Variants in ERG observed in about 807,000 individuals in gnomAD.
ERG encodes the protein transcriptional regulator ERG.
A neutral mutation model predicts 55.3 loss-of-function variants in ERG; 9 were observed. The ratio of observed to expected loss-of-function variants is 0.16; its 90% CI spans 0.10 to 0.28. ERG has a LOEUF of 0.28. Ranked by LOEUF, ERG falls within the 10% of genes least tolerant of loss-of-function variation. ERG has a pLI of 1.00. For synonymous variants in ERG, 223 were observed against 237.3 expected (o/e 0.94, Z 0.55); for missense variants, 434 against 631.6 (o/e 0.69, Z 3.35).
At chr21:38,380,032 T>C, downstream of ERG, 1 of 1,012,338 alleles carries the variant, frequency 9.9e-7, no homozygotes, top group Non-Finnish European at 1.2e-6. Flanking sequence ...CAGAATTTGG[T>C]GTATTTTTGA....
At chr21:38,654,887 C>T (rs909321932) in intron 1 of ERG, among the ~76,000 whole-genome samples, 1 of 152,142 alleles carries the variant, frequency 6.6e-6, no homozygotes, top group Non-Finnish European at 1.5e-5. Context: ...CTCACATCAG[C>T]TTTGTGAGGT....
chr21:38,408,904 C>T (rs1328680476), intron 3 of ERG, among the ~76,000 whole-genome samples: 8 of 152,176 alleles, frequency 5.3e-5, no homozygotes, highest in Non-Finnish European at 1.2e-4. Context: ...GGTAGGAACA[C>T]CTCTTGTCTC....
chr21:38,407,656 TTA>T (rs1988836624), intron 3 of ERG, among the ~76,000 whole-genome samples: 1 of 123,596 alleles, frequency 8.1e-6, no homozygotes, highest in South Asian at 2.3e-4. Flanking sequence ...TTAATGTATA[TTA>T]TATGTATACT....
At chr21:38,518,422 G>A (rs1325026026) in intron 2 of ERG, among the ~76,000 whole-genome samples, 1 of 152,038 alleles carries the variant, frequency 6.6e-6, no homozygotes, top group Non-Finnish European at 1.5e-5. Context: ...AAACAAATCA[G>A]ACAATGGAAA....
intron 2 of ERG, among the ~76,000 whole-genome samples, 156 bp from the exon 3 acceptor site, chr21:38,423,717 G>A (rs190542411): frequency 1.3e-5 from 2 of 152,320 alleles, no homozygotes; most frequent in Non-Finnish European, 2.9e-5. Context: ...GCGGGGTGCC[G>A]TGGCTCATGC....
intron 1 of ERG, among the ~76,000 whole-genome samples, chr21:38,632,755 T>C (rs2146959356): frequency 6.6e-6 from 1 of 152,358 alleles, no homozygotes; most frequent in South Asian, 2.1e-4. Flanking sequence ...GTCTTGAGTA[T>C]GTCTTTATTG....
intron 1 of ERG, among the ~76,000 whole-genome samples, chr21:38,623,743 C>G (rs1458854600): frequency 6.6e-6 from 1 of 152,144 alleles, no homozygotes; most frequent in Non-Finnish European, 1.5e-5. Context: ...CAAAGGTTGC[C>G]ACCAGCCCAG....
chr21:38,369,633 A>G, the ERG span, among the ~76,000 whole-genome samples: 3 of 152,084 alleles, frequency 2.0e-5, no homozygotes, highest in African/African-American at 7.2e-5. Context: ...ATTAGATCCT[A>G]TTTGTCAATT....
chr21:38,561,209 C>T (rs1225789721), intron 2 of ERG, among the ~76,000 whole-genome samples: 1 of 152,152 alleles, frequency 6.6e-6, no homozygotes, highest in Non-Finnish European at 1.5e-5. Context: ...GACTGAGGAA[C>T]AGGAACAGCA....
At chr21:38,567,905 G>A (rs1006572949) in intron 2 of ERG, among the ~76,000 whole-genome samples, 1 of 152,178 alleles carries the variant, frequency 6.6e-6, no homozygotes. Flanking sequence ...CGCACAGAAC[G>A]CTGCTACTTC....
chr21:38,538,796 G>A (rs2059730192), intron 2 of ERG, among the ~76,000 whole-genome samples: 2 of 151,928 alleles, frequency 1.3e-5, no homozygotes. Context: ...TCTTGTTCAA[G>A]CTCCATGGTT....
intron 1 of ERG, among the ~76,000 whole-genome samples, chr21:38,459,968 A>G (rs2059025767): frequency 6.6e-6 from 1 of 152,226 alleles, no homozygotes; most frequent in Admixed American, 6.5e-5. Flanking sequence ...AGAAGGTGGT[A>G]AGTGATAAGT....
In ERG at chr21:38,480,070, A is replaced by G. The variant is rs141645190; in HGVS notation, c.18+18293T>C. Reference sequence around the variant, plus strand: ...GTGATACCGTGACAGTCGATCCCATAACCAAGAGGGCTACTCGGTGACTAA... The same window carrying G: ...GTGATACCGTGACAGTCGATCCCATGACCAAGAGGGCTACTCGGTGACTAA... On this transcript the variant is annotated intron_variant, in intron 1 of 9. Transcript: ENST00000288319. Among the ~76,000 whole-genome samples, 363 of 152,266 alleles carry G rather than the reference A, an allele frequency of 2.4e-3. 4 individuals carry two copies. Among genetic ancestry groups the G allele is most frequent in the African/African-American group, 8.4e-3 (351 of 41,546 alleles).
At chr21:38,448,226 C>T (rs73904589) in intron 1 of ERG, among the ~76,000 whole-genome samples, 4 of 152,112 alleles carry the variant, frequency 2.6e-5, no homozygotes, top group African/African-American at 9.7e-5. Context: ...TAATTGAGAT[C>T]GATTTAGGAA....
chr21:38,496,206 A>T (rs1411448520), intron 1 of ERG, among the ~76,000 whole-genome samples: 1 of 152,232 alleles, frequency 6.6e-6, no homozygotes, highest in Non-Finnish European at 1.5e-5. Context: ...GCAAAAAAAT[A>T]AAAACTCCAC....
intron 1 of ERG, among the ~76,000 whole-genome samples, chr21:38,459,246 A>G (rs1809262836): frequency 6.6e-6 from 1 of 152,234 alleles, no homozygotes; most frequent in South Asian, 2.1e-4. Context: ...TGCATGCTTA[A>G]TAACTTGTTT....
At chr21:38,429,336 C>G (rs771234352) in intron 2 of ERG, among the ~76,000 whole-genome samples, 1 of 150,268 alleles carries the variant, frequency 6.7e-6, no homozygotes, top group African/African-American at 2.5e-5. Flanking sequence ...ATATGTATAT[C>G]TACATATGCA....
At chr21:38,656,341 C>T (rs989747033) in intron 1 of ERG, among the ~76,000 whole-genome samples, 1 of 152,112 alleles carries the variant, frequency 6.6e-6, no homozygotes, top group African/African-American at 2.4e-5. Flanking sequence ...TTGCCAATTT[C>T]AATCAATTTA....
chr21:38,586,786 A>G (rs1225555523), upstream of ERG, among the ~76,000 whole-genome samples: 1 of 152,260 alleles, frequency 6.6e-6, no homozygotes, highest in Non-Finnish European at 1.5e-5. Context: ...CTCTGGAGAT[A>G]GATCCAAAGA....
Sources: gnomAD v4.1 joint callset for allele counts (sites outside exome capture counted in the v4.1 genomes callset) on GRCh38, gnomAD v4.1.1 for gene constraint, MANE v1.5 for transcripts, NCBI Gene and HGNC (gene_info 2026-07-23, HGNC 2026-07-21) for gene names.